ANK3: variants seen among roughly 807,000 people sequenced by gnomAD.
The protein encoded by ANK3 is ankyrin 3, also known as ankyrin-3.
Under a neutral mutation model 370.9 loss-of-function variants are expected in ANK3, and 57 were observed. That is an observed-to-expected ratio of 0.15 (90% CI 0.12 to 0.19). The LOEUF (loss-of-function observed/expected upper bound fraction) is 0.19. ANK3 is among the 10% of genes least tolerant of loss of function. The pLI is 1.00. For synonymous variants in ANK3, 1,929 were observed against 1,946.3 expected (o/e 0.99, Z 0.23); for missense variants, 4,439 against 5,302.1 (o/e 0.84, Z 5.06).
At chr10:60,080,106 G>A (rs978946169) in intron 36 of ANK3, among the ~76,000 whole-genome samples, 1 of 151,986 alleles carries the variant, frequency 6.6e-6, no homozygotes. Flanking sequence ...AAAAAGAATC[G>A]GGACTAGGAT....
Position 60,147,457 on chromosome 10 carries a change from G to A in ANK3, c.2615-8370C>T, listed in dbSNP as rs116063409. On this transcript the variant is annotated intron_variant, in intron 23 of 43. Coordinates refer to ENST00000280772, the MANE Select transcript of ANK3 (RefSeq NM_020987.5). Reference sequence around the variant, plus strand: ...CCATCATATGCTGGCCATGGTTGTCGTTCTTTCAAAACAGAAAATAAGTGC... The same window carrying A: ...CCATCATATGCTGGCCATGGTTGTCATTCTTTCAAAACAGAAAATAAGTGC... Among the ~76,000 whole-genome samples the A allele has an allele frequency of 4.5e-3, 681 of 152,236 alleles. 5 individuals are homozygous for A. Among genetic ancestry groups the A allele is most frequent in the Middle Eastern group, 0.014 (4 of 294 alleles).
chr10:60,376,644 A>T (rs1048059512), intron 1 of ANK3, among the ~76,000 whole-genome samples: 1 of 152,250 alleles, frequency 6.6e-6, no homozygotes. Flanking sequence ...AATCAAGACC[A>T]GCACTTGCAT....
At chr10:60,663,657 G>A (rs2078963446) in intron 1 of ANK3, among the ~76,000 whole-genome samples, 1 of 152,128 alleles carries the variant, frequency 6.6e-6, no homozygotes, top group Non-Finnish European at 1.5e-5. Flanking sequence ...TCATGATGGT[G>A]TTAAAATACT....
At chr10:60,196,379 G>T in intron 15 of ANK3, 136 bp from the exon 16 acceptor site, 2 of 926,690 alleles carry the variant, frequency 2.2e-6, no homozygotes, top group Non-Finnish European at 3.3e-6. Flanking sequence ...TTGGACCCCA[G>T]CATTTACCTT....
intron 2 of ANK3, among the ~76,000 whole-genome samples, chr10:60,498,032 C>T (rs772964810): frequency 9.9e-5 from 15 of 152,136 alleles, no homozygotes; most frequent in Non-Finnish European, 1.8e-4. Flanking sequence ...ACAATCCACC[C>T]ACAATCTCTA....
chr10:60,123,986 C>CA (rs138730388), intron 25 of ANK3, among the ~76,000 whole-genome samples: 6,413 of 152,130 alleles, frequency 0.042, 444 homozygotes, highest in African/African-American at 0.15. Flanking sequence ...ACTGGCAAGT[C>CA]AAAAAACTCA....
chr10:60,572,463 A>G, intron 2 of ANK3: 1 of 1,535,642 alleles, frequency 6.5e-7, no homozygotes, highest in Non-Finnish European at 8.7e-7. Context: ...TTCATTTCTT[A>G]CCTTTTTTCC....
intron 1 of ANK3, among the ~76,000 whole-genome samples, chr10:60,334,572 CT>C (rs1460638233): frequency 6.6e-6 from 1 of 152,164 alleles, no homozygotes; most frequent in Non-Finnish European, 1.5e-5. Context: ...GCCAGGGTCT[CT>C]CCCCTTGACT....
chr10:60,353,161 T>TTG (rs1274708642), intron 1 of ANK3, among the ~76,000 whole-genome samples: 3 of 149,350 alleles, frequency 2.0e-5, no homozygotes, highest in Admixed American at 6.7e-5. Context: ...TTGTTTTGTT[T>TTG]TTTTTTTTTT....
In ANK3 at chr10:60,383,040, T is replaced by A. The variant is rs72806128; in HGVS notation, c.114+6385A>T. ...AGAATTCACCCTGGATGTCCATTAA[T>A]AAGAATCACCCTTAAGAAAACCTCT... On this transcript the variant is annotated intron_variant, in intron 1 of 43. Transcript: ENST00000280772. 5.6e-3 allele frequency among the ~76,000 whole-genome samples: 849 copies of A among 152,138 alleles called. 4 individuals carry two copies. The highest frequency in any genetic ancestry group is 0.011 in the South Asian group (55 of 4,826).
At chr10:60,224,431 C>A (rs995236310) in intron 8 of ANK3, among the ~76,000 whole-genome samples, 1 of 152,046 alleles carries the variant, frequency 6.6e-6, no homozygotes, top group Non-Finnish European at 1.5e-5. Flanking sequence ...AGAGCAAATC[C>A]TTGTACATGC....
chr10:60,644,468 C>A (rs1341303788), intron 1 of ANK3, among the ~76,000 whole-genome samples: 1 of 152,134 alleles, frequency 6.6e-6, no homozygotes, highest in Admixed American at 6.5e-5. Flanking sequence ...TAAATAAAAA[C>A]CACTACGTTT....
chr10:60,499,215 A>T (rs1199383786), intron 2 of ANK3, among the ~76,000 whole-genome samples: 1 of 152,178 alleles, frequency 6.6e-6, no homozygotes. Context: ...GTTCTTCCTC[A>T]AAAGGGTCAT....
chr10:60,332,863 T>C (rs531622229), intron 1 of ANK3, among the ~76,000 whole-genome samples: 1 of 152,230 alleles, frequency 6.6e-6, no homozygotes. Flanking sequence ...CCGTAAAAAG[T>C]GGTTACAAGA....
intron 7 of ANK3, among the ~76,000 whole-genome samples, chr10:60,239,348 T>C (rs981449142): frequency 5.9e-5 from 9 of 151,738 alleles, no homozygotes; most frequent in Admixed American, 5.9e-4. Flanking sequence ...AATAGTCAAA[T>C]TGCTGAAAAT....
At chr10:60,177,112 C>A (rs1164791054) in intron 18 of ANK3, among the ~76,000 whole-genome samples, 1 of 152,146 alleles carries the variant, frequency 6.6e-6, no homozygotes, top group Non-Finnish European at 1.5e-5. Context: ...TCTGAAACAC[C>A]TTGACAGTTT....
rs1251518235 is a variant in ANK3, at chr10:60,678,571, C to G, written c.57+54692G>C. On this transcript the variant is annotated intron_variant, in intron 1 of 43. Transcript: ENST00000373827. Reference sequence around the variant, plus strand: ...TATAAAATGCTTCAAAAATTATTTACTAGATTATATCAAATATTATTCCTA... The same window carrying G: ...TATAAAATGCTTCAAAAATTATTTAGTAGATTATATCAAATATTATTCCTA... Among the ~76,000 whole-genome samples, 7 of 152,152 alleles carry G rather than the reference C, an allele frequency of 4.6e-5. 1 individual carries two copies. The highest frequency in any genetic ancestry group is 1.7e-4 in the African/African-American group (7 of 41,518).
chr10:60,050,270 A>T (rs868482766), intron 42 of ANK3, among the ~76,000 whole-genome samples: 9 of 152,334 alleles, frequency 5.9e-5, no homozygotes, highest in Middle Eastern at 3.4e-3. Flanking sequence ...GAAGTGATTC[A>T]TGGTTTTTAA....
chr10:60,084,903 A>T (rs537756484), intron 31 of ANK3, 73 bp from the exon 32 acceptor site: 279 of 1,161,568 alleles, frequency 2.4e-4, no homozygotes, highest in African/African-American at 2.0e-3. Flanking sequence ...ACTCACAATT[A>T]AAAAAATCAG....
Sources: gnomAD v4.1 joint callset for allele counts (sites outside exome capture counted in the v4.1 genomes callset) on GRCh38, gnomAD v4.1.1 for gene constraint, MANE v1.5 for transcripts, NCBI Gene and HGNC (gene_info 2026-07-23, HGNC 2026-07-21) for gene names.